GIMAP6: variants seen among roughly 807,000 people sequenced by gnomAD.
GIMAP6 encodes the protein GTPase, IMAP family member 6, also known as GTPase IMAP family member 6.
In GIMAP6, 6 loss-of-function variants were observed where a neutral mutation model predicts 9.3. That is an observed-to-expected ratio of 0.65 (90% CI 0.35 to 1.27). GIMAP6 has a LOEUF of 1.27. Ranked by LOEUF, GIMAP6 falls within the 50% of genes most tolerant of loss-of-function variation. GIMAP6 has a pLI of 0.03. For missense variants in GIMAP6, 333 were observed against 359.5 expected (o/e 0.93, Z 0.60); for synonymous variants, 156 against 151.1 (o/e 1.03, Z -0.24).
intron 2 of GIMAP6, among the ~76,000 whole-genome samples, chr7:150,629,519 T>C (rs1796356460): frequency 6.6e-6 from 1 of 152,202 alleles, no homozygotes; most frequent in Non-Finnish European, 1.5e-5. Context: ...GTTGAGCCCA[T>C]GAAAGTTAAG....
At chr7:150,631,798 C>T (rs1011821415) in intron 1 of GIMAP6, among the ~76,000 whole-genome samples, 2 of 152,202 alleles carry the variant, frequency 1.3e-5, no homozygotes, top group African/African-American at 4.8e-5. Context: ...AGAGAAGCAT[C>T]TTGCCAAATA....
chr7:150,631,111 G>A (rs2116788424), intron 1 of GIMAP6, among the ~76,000 whole-genome samples: 1 of 152,150 alleles, frequency 6.6e-6, no homozygotes, highest in East Asian at 1.9e-4. Flanking sequence ...CCAGATGAAG[G>A]GTCTGGGGTG....
intron 2 of GIMAP6, among the ~76,000 whole-genome samples, chr7:150,628,961 G>A (rs533352820): frequency 2.1e-4 from 32 of 152,236 alleles, no homozygotes; most frequent in African/African-American, 4.6e-4. Context: ...CAGCATGGGC[G>A]TGGCCATCTC....
intron 1 of GIMAP6, among the ~76,000 whole-genome samples, chr7:150,631,091 T>C (rs1796384867): frequency 6.6e-6 from 1 of 152,148 alleles, no homozygotes; most frequent in Admixed American, 6.5e-5. Flanking sequence ...CACAACCAGA[T>C]GAAACAGATC....
chr7:150,629,019 C>T (rs1164213339), intron 2 of GIMAP6, among the ~76,000 whole-genome samples: 1 of 152,204 alleles, frequency 6.6e-6, no homozygotes, highest in Non-Finnish European at 1.5e-5. Flanking sequence ...TGACAGCCAC[C>T]CTTGGCTCTG....
chr7:150,630,235 G>A (rs956636798), intron 1 of GIMAP6, 93 bp from the exon 2 acceptor site: 2 of 1,043,290 alleles, frequency 1.9e-6, no homozygotes, highest in South Asian at 1.6e-5. Flanking sequence ...TCTCTTGCCA[G>A]AGGAAAGTTT....
Position 150,625,943 on chromosome 7 carries a change from A to G in GIMAP6, c.*1776T>C, listed in dbSNP as rs753127872. ...AGTGTGAATGAGAACTGAATGTATGATAAATGTTGCATGTTCAGTTCAATG... is the reference window on the plus strand; with the variant it reads ...AGTGTGAATGAGAACTGAATGTATGGTAAATGTTGCATGTTCAGTTCAATG... On this transcript the variant is annotated 3_prime_UTR_variant, in exon 3 of 3. Coordinates refer to ENST00000328902, the MANE Select transcript of GIMAP6 (RefSeq NM_024711.6). 1 of 152,260 alleles carries G rather than the reference A, an allele frequency of 6.6e-6. No homozygotes were observed. Among genetic ancestry groups the G allele is most frequent in the Non-Finnish European group, 1.5e-5 (1 of 68,048 alleles). The allele number at this position is 152,260 out of a possible 1,614,324, so 9.4% of individuals were successfully genotyped here.
Position 150,627,393 on chromosome 7 carries a change from G to A in GIMAP6, c.*326C>T, listed in dbSNP as rs546929532. On this transcript the variant is annotated 3_prime_UTR_variant, in exon 3 of 3. Transcript: ENST00000328902. ...ACACAGAAGTAAAAGATACAGGCCT[G>A]CCCTCAAGAAACTTTGGTTCTATCA... is the stretch of plus-strand genomic sequence containing the variant. 2 of 397,214 alleles carry A rather than the reference G, an allele frequency of 5.0e-6. No homozygotes were observed. The highest frequency in any genetic ancestry group is 4.1e-5 in the African/African-American group (2 of 49,208). The allele number at this position is 397,214 out of a possible 1,614,324, so 24.6% of individuals were successfully genotyped here. A position where few individuals can be genotyped will look rare whatever the true frequency, so the allele number is the denominator to read the frequency against.
At chr7:150,630,252 T>G in intron 1 of GIMAP6, 110 bp from the exon 2 acceptor site, 1 of 798,150 alleles carries the variant, frequency 1.3e-6, no homozygotes, top group Admixed American at 3.0e-5. Flanking sequence ...GTTTTTTGCA[T>G]TAGTTTAGGG....
intron 2 of GIMAP6, 50 bp downstream of exon 2, chr7:150,630,008 C>T (rs2116785727): frequency 2.4e-6 from 3 of 1,233,742 alleles, no homozygotes; most frequent in South Asian, 2.6e-5. Context: ...CTGTGTCCCA[C>T]CTGCACCCCA....
rs191541865 is a variant in GIMAP6 at position 150,627,673 on chromosome 7, G to A, written c.*46C>T. 6.9e-4 allele frequency: 1,105 copies of A among 1,609,410 alleles called. No homozygotes were observed. The highest frequency in any genetic ancestry group is 1.8e-3 in the Admixed American group (105 of 59,918). On this transcript the variant is annotated 3_prime_UTR_variant, in exon 3 of 3. Coordinates refer to ENST00000328902, the MANE Select transcript of GIMAP6 (RefSeq NM_024711.6). ...AGAGAAACAGAGGGCTGGACACAGG[G>A]GGGTGCAAAGGCTGATGGTGTCCTT...
At chr7:150,629,992 G>A (rs1796363540) in intron 2 of GIMAP6, 66 bp downstream of exon 2, 2 of 1,036,824 alleles carry the variant, frequency 1.9e-6, no homozygotes, top group Non-Finnish European at 2.9e-6. Flanking sequence ...CACTATGGTG[G>A]TGGAGCTGTG....
In GIMAP6 at chr7:150,630,146, CAAAAAAAA is replaced by C. The variant is rs58764098; in HGVS notation, c.1-12_1-5del. On this transcript the variant is annotated splice_polypyrimidine_tract_variant and splice_region_variant and intron_variant, in intron 1 of 2. Transcript: ENST00000328902. Reference sequence around the variant, plus strand: ...GTTCATATTCTTCTTCCTCCATCTACAAAAAAAAAAAAAAAAAAAAAATCATATGTTCT... The same window carrying C: ...GTTCATATTCTTCTTCCTCCATCTACAAAAAAAAAAAAAATCATATGTTCT... 1.1e-4 allele frequency: 99 copies of C among 936,084 alleles called. No homozygotes were observed. The highest frequency in any genetic ancestry group is 4.4e-4 in the South Asian group (18 of 41,288). The allele number at this position is 936,084 out of a possible 1,614,324, so 58.0% of individuals were successfully genotyped here.
intron 2 of GIMAP6, among the ~76,000 whole-genome samples, chr7:150,629,607 G>A (rs116154986): frequency 0.011 from 1,609 of 152,216 alleles, 22 homozygotes; most frequent in African/African-American, 0.036. Context: ...CAGCAGCCAA[G>A]TACATTCTGC....
rs1277865720 is a variant in GIMAP6 at position 150,628,371 on chromosome 7, G to A, written c.227C>T (p.Thr76Ile). 5 of 1,614,022 alleles carry A rather than the reference G, an allele frequency of 3.1e-6. No individual in the cohort carries two copies. The highest frequency in any genetic ancestry group is 4.2e-6 in the Non-Finnish European group (5 of 1,180,014). Residue 76 changes from threonine (T) to isoleucine (I), a missense_variant, in exon 3 of 3, where the codon ACC (threonine) becomes ATC (isoleucine). Thr to Ile is a moderately conservative substitution (Grantham distance 89, BLOSUM62 -1). Coordinates refer to ENST00000328902, the MANE Select transcript of GIMAP6 (RefSeq NM_024711.6). ...FESKLSTRPV[T>I]KTSQRRSREW... ...TCGGCTCCGTCTCTGGGAGGTCTTG[G>A]TCACGGGTCTGGTGCTGAGTTTAGA...
In GIMAP6 at chr7:150,627,662, C is replaced by T. The variant is rs980853859; in HGVS notation, c.*57G>A. The T allele has an allele frequency of 1.2e-6, 2 of 1,604,326 alleles. No homozygotes were observed. Among genetic ancestry groups the T allele is most frequent in the Non-Finnish European group, 1.7e-6 (2 of 1,171,936 alleles). ...ATGGGATGGAAAGAGAAACAGAGGGCTGGACACAGGGGGGTGCAAAGGCTG... is the reference window on the plus strand; with the variant it reads ...ATGGGATGGAAAGAGAAACAGAGGGTTGGACACAGGGGGGTGCAAAGGCTG... On this transcript the variant is annotated 3_prime_UTR_variant, in exon 3 of 3. Coordinates refer to ENST00000328902, the MANE Select transcript of GIMAP6 (RefSeq NM_024711.6).
Position 150,626,056 on chromosome 7 carries a change from A to G in GIMAP6, c.*1663T>C, listed in dbSNP as rs1015651486. 8 of 152,350 alleles carry G rather than the reference A, an allele frequency of 5.3e-5. No individual in the cohort carries two copies. The highest frequency in any genetic ancestry group is 1.4e-4 in the African/African-American group (6 of 41,580). The allele number at this position is 152,350 out of a possible 1,614,324, so 9.4% of individuals were successfully genotyped here. A position where few individuals can be genotyped will look rare whatever the true frequency, so the allele number is the denominator to read the frequency against. On this transcript the variant is annotated 3_prime_UTR_variant, in exon 3 of 3. Coordinates refer to ENST00000328902, the MANE Select transcript of GIMAP6 (RefSeq NM_024711.6). ...ATAACTCTGTGCTCTGCTTTGAGAC[A>G]CTTTTCTGAATCTGTTAGCAAGAGA...
Position 150,626,616 on chromosome 7 carries a change from C to T in GIMAP6, c.*1103G>A, listed in dbSNP as rs190155109. On this transcript the variant is annotated 3_prime_UTR_variant, in exon 3 of 3. Transcript: ENST00000328902. ...TGGGCTTCAGAGTTCTCCCATAAAC[C>T]AGGCAGGCTGCCTCGCAAGATGTTT... 3 of 152,296 alleles carry T rather than the reference C, an allele frequency of 2.0e-5. No homozygotes were observed. Among genetic ancestry groups the T allele is most frequent in the Admixed American group, 6.5e-5 (1 of 15,284 alleles). 9.4% of individuals were successfully genotyped at this position (152,296 alleles called of 1,614,324 possible).
Position 150,628,479 on chromosome 7 carries a change from C to A in GIMAP6, c.119G>T (p.Arg40Ile), listed in dbSNP as rs759570307. 1.2e-6 allele frequency: 2 copies of A among 1,614,006 alleles called. No individual in the cohort carries two copies. Among genetic ancestry groups the A allele is most frequent in the Non-Finnish European group, 1.7e-6 (2 of 1,180,044 alleles). ...LREKEQKTPR[R>I]LRLILMGKTG... is the part of the protein sequence containing the mutation. ...TTTCCCCATGAGAATGAGCCTCAGTCTCCTTGGGGTCTTCTGTTCTTTCTC... is the reference window on the plus strand; with the variant it reads ...TTTCCCCATGAGAATGAGCCTCAGTATCCTTGGGGTCTTCTGTTCTTTCTC... Residue 40 changes from arginine to isoleucine, a missense_variant, in exon 3 of 3, where the codon AGA (arginine) becomes ATA (isoleucine). Coordinates refer to ENST00000328902, the MANE Select transcript of GIMAP6 (RefSeq NM_024711.6).
Sources: allele counts gnomAD v4.1 joint callset (sites outside exome capture counted in the v4.1 genomes callset), GRCh38; gene constraint gnomAD v4.1.1; transcripts MANE v1.5; gene names NCBI Gene and HGNC (gene_info 2026-07-23, HGNC 2026-07-21).